Variants in CD9 observed in about 807,000 individuals in gnomAD.
CD9 encodes the protein CD9 molecule.
Under a neutral mutation model 31.4 loss-of-function variants are expected in CD9, and 10 were observed. The ratio of observed to expected loss-of-function variants is 0.32; its 90% CI spans 0.20 to 0.54. The LOEUF (loss-of-function observed/expected upper bound fraction) is 0.54, where lower values mean the gene tolerates loss of function less well. Ranked by LOEUF, CD9 falls within the 20% of genes least tolerant of loss-of-function variation. The pLI is 0.94. For missense variants in CD9, 259 were observed against 300.1 expected (o/e 0.86, Z 1.01); for synonymous variants, 113 against 114.1 (o/e 0.99, Z 0.06).
intron 1 of CD9, among the ~76,000 whole-genome samples, chr12:6,218,726 TGA>T (rs954679133): frequency 6.6e-6 from 1 of 152,214 alleles, no homozygotes; most frequent in Non-Finnish European, 1.5e-5. Context: ...TTTTGCAGTG[TGA>T]GTCACTGAAA....
chr12:6,224,360 TG>T (rs1214087769), intron 1 of CD9, among the ~76,000 whole-genome samples: 3 of 152,040 alleles, frequency 2.0e-5, no homozygotes, highest in Admixed American at 6.5e-5. Flanking sequence ...CTTATGCTCC[TG>T]GGGGGTAGGT....
chr12:6,236,128 G>T (rs1230029248), intron 6 of CD9, 64 bp from the exon 7 acceptor site: 1 of 1,602,414 alleles, frequency 6.2e-7, no homozygotes, highest in Non-Finnish European at 8.5e-7. Context: ...GGGGCCATGG[G>T]AGGGAGGAGG....
rs1000691264 is a variant in CD9, at chr12:6,232,548, C to A, written c.176-84C>A. ...AGGAGGTGGGGAGGCAGGAGTTAGGCAGAGGGAAACAGGAATTGCCGGAGA... is the reference window on the plus strand; with the variant it reads ...AGGAGGTGGGGAGGCAGGAGTTAGGAAGAGGGAAACAGGAATTGCCGGAGA... On this transcript the variant is annotated intron_variant, in intron 2 of 7. Transcript: ENST00000009180. This position sits in a 1 kb window ranked among gnomAD's most constrained non-coding sequence, Gnocchi z 4.8. The A allele has an allele frequency of 1.2e-6, 1 of 832,336 alleles. No individual in the cohort carries two copies. Among genetic ancestry groups the A allele is most frequent in the East Asian group, 2.6e-5 (1 of 37,824 alleles). The allele number at this position is 832,336 out of a possible 1,614,324, so 51.6% of individuals were successfully genotyped here.
At chr12:6,205,324 C>G (rs570559437) in intron 1 of CD9, among the ~76,000 whole-genome samples, 9 of 152,328 alleles carry the variant, frequency 5.9e-5, no homozygotes, top group African/African-American at 1.7e-4. Flanking sequence ...GTGAGGATTC[C>G]TCTGCACACG....
At chr12:6,220,524 A>C (rs998019920) in intron 1 of CD9, among the ~76,000 whole-genome samples, 1 of 152,150 alleles carries the variant, frequency 6.6e-6, no homozygotes, top group Non-Finnish European at 1.5e-5. Flanking sequence ...GAGGTTGAAG[A>C]AAAAAAGGGT....
chr12:6,206,451 T>G (rs1388229778), intron 1 of CD9, among the ~76,000 whole-genome samples: 1 of 152,160 alleles, frequency 6.6e-6, no homozygotes, highest in East Asian at 1.9e-4. Flanking sequence ...CTCAAACTCC[T>G]AGGCTCAAGC....
At chr12:6,217,248 T>G (rs1443069849) in intron 1 of CD9, among the ~76,000 whole-genome samples, 1 of 151,920 alleles carries the variant, frequency 6.6e-6, no homozygotes, top group African/African-American at 2.4e-5. Context: ...GTAGGCTGGG[T>G]GCCATGGCTC....
chr12:6,210,175 G>C (rs1415731440), intron 1 of CD9, among the ~76,000 whole-genome samples: 1 of 152,198 alleles, frequency 6.6e-6, no homozygotes, highest in Admixed American at 6.5e-5. Context: ...CTGGCAGGGT[G>C]GTTCTGGGGA....
In CD9 at chr12:6,204,407, A is replaced by C. The variant is rs1056789292; in HGVS notation, c.66+3842A>C. Among the ~76,000 whole-genome samples, 3 of 152,178 alleles carry C rather than the reference A, an allele frequency of 2.0e-5. No individual in the cohort carries two copies. In the East Asian group the frequency reaches 5.8e-4, roughly 29 times the overall value. On this transcript the variant is annotated intron_variant, in intron 1 of 7. Transcript: ENST00000009180. ...ATAATAATATAATAAACAAAATACA[A>C]GCCCTGAATTGGAAATGGGAGATGG...
intron 7 of CD9, among the ~76,000 whole-genome samples, chr12:6,237,407 A>G (rs1946536088): frequency 1.3e-5 from 2 of 152,256 alleles, no homozygotes. Context: ...AGAGTATTAA[A>G]TAACATACAC....
chr12:6,235,248 A>C lies in CD9; in HGVS notation c.368A>C (p.Glu123Ala), dbSNP rs1205483514. Reference sequence around the variant, plus strand: ...TTGTAGGTGATTAAGGAAGTCCAGGAGTTTTACAAGGACACCTACAACAAG... The same window carrying C: ...TTGTAGGTGATTAAGGAAGTCCAGGCGTTTTACAAGGACACCTACAACAAG... ...HKDEVIKEVQ[E>A]FYKDTYNKLK... Residue 123 changes from glutamate (E) to alanine (A), a missense_variant, in exon 5 of 8, where the codon GAG becomes GCG. Coordinates refer to ENST00000009180, the MANE Select transcript of CD9 (RefSeq NM_001769.4). 1 of 1,607,174 alleles carries C rather than the reference A, an allele frequency of 6.2e-7. No individual in the cohort carries two copies. Among genetic ancestry groups the C allele is most frequent in the Admixed American group, 1.7e-5 (1 of 59,934 alleles).
At position 6,219,039 on chromosome 12, in the gene CD9, T is replaced by C. The variant is rs536194025; in HGVS notation, c.67-6387T>C. On this transcript the variant is annotated intron_variant, in intron 1 of 7. Coordinates refer to ENST00000009180, the MANE Select transcript of CD9 (RefSeq NM_001769.4). The stretch of plus-strand genomic sequence containing the variant: ...TTTATTTTTGGAGATGGAGTCTCGC[T>C]GTGTCACCCAGGCTGGAGTGCAGTG... Among the ~76,000 whole-genome samples, 107 of 152,324 alleles carry C rather than the reference T, an allele frequency of 7.0e-4. 1 individual carries two copies. Among genetic ancestry groups the C allele is most frequent in the African/African-American group, 2.4e-3 (100 of 41,558 alleles).
intron 1 of CD9, among the ~76,000 whole-genome samples, chr12:6,218,950 G>T (rs1008702789): frequency 4.6e-5 from 7 of 152,122 alleles, no homozygotes; most frequent in African/African-American, 1.7e-4. Context: ...TGAGGGATGG[G>T]GGTGCTGGCA....
rs545530434 is a variant in CD9 at position 6,202,391 on chromosome 12, G to A, written c.66+1826G>A. 2.6e-5 allele frequency among the ~76,000 whole-genome samples: 4 copies of A among 152,264 alleles called. No individual in the cohort carries two copies. The South Asian group carries it at 8.3e-4, about 32-fold the overall frequency. On this transcript the variant is annotated intron_variant, in intron 1 of 7. Coordinates refer to ENST00000009180, the MANE Select transcript of CD9 (RefSeq NM_001769.4). ...AATCCCTGGCAGCAGAAAAGTATGC[G>A]GGAAGGCAGCTGGCCTCACCCACCC...
chr12:6,216,522 T>C (rs11064090), intron 1 of CD9, among the ~76,000 whole-genome samples: 15,997 of 152,226 alleles, frequency 0.11, 894 homozygotes, highest in African/African-American at 0.15. Flanking sequence ...GCTGCTGTAA[T>C]AACTCCTTTC....
chr12:6,200,420 A>G lies in CD9; in HGVS notation c.-80A>G, dbSNP rs1946061483. The G allele has an allele frequency of 2.2e-6, 2 of 909,502 alleles. No individual in the cohort carries two copies. The highest frequency in any genetic ancestry group is 1.6e-5 in the African/African-American group (1 of 60,762). 56.3% of individuals were successfully genotyped at this position (909,502 alleles called of 1,614,324 possible). On this transcript the variant is annotated 5_prime_UTR_variant, in exon 1 of 8. Coordinates refer to ENST00000009180, the MANE Select transcript of CD9 (RefSeq NM_001769.4). ...CCTACAGCCGCCTGCATCTGTATCC[A>G]GCGCCAGGTCCCGCCAGTCCCAGCT...
chr12:6,208,183 C>A (rs1034340472), intron 1 of CD9, among the ~76,000 whole-genome samples: 2 of 149,408 alleles, frequency 1.3e-5, no homozygotes, highest in Admixed American at 1.3e-4. Flanking sequence ...GAAATCGTGC[C>A]ATTGCACTCC....
intron 1 of CD9, among the ~76,000 whole-genome samples, chr12:6,218,369 T>G (rs1002584102): frequency 2.0e-5 from 3 of 152,250 alleles, no homozygotes; most frequent in Non-Finnish European, 4.4e-5. Flanking sequence ...ATAGGCAAAC[T>G]TGGCTTCTCC....
At chr12:6,207,643 G>A (rs533851695) in intron 1 of CD9, among the ~76,000 whole-genome samples, 1 of 152,318 alleles carries the variant, frequency 6.6e-6, no homozygotes, top group African/African-American at 2.4e-5. Context: ...GTCCTCTGAG[G>A]ACTTGCAGAA....
Sources: allele counts gnomAD v4.1 joint callset (sites outside exome capture counted in the v4.1 genomes callset), GRCh38; gene constraint gnomAD v4.1.1; non-coding constraint Gnocchi (gnomAD v3.1); transcripts MANE v1.5; gene names NCBI Gene and HGNC (gene_info 2026-07-23, HGNC 2026-07-21).